Variants in KAZN observed in about 807,000 individuals in gnomAD.
The protein encoded by KAZN is kazrin, periplakin interacting protein.
In KAZN, 40 loss-of-function variants were observed where a neutral mutation model predicts 87.4. The observed-to-expected ratio is 0.46, with a 90% confidence interval of 0.36 to 0.60. The LOEUF (loss-of-function observed/expected upper bound fraction) is 0.60. Ranked by LOEUF, KAZN falls within the 20% of genes least tolerant of loss-of-function variation. KAZN has a pLI of 0.00. For missense variants in KAZN, 898 were observed against 1,073.9 expected, an observed-to-expected ratio of 0.84 and a Z score of 2.29; for synonymous variants, 466 against 458.3, an observed-to-expected ratio of 1.02 and a Z score of -0.22.
chr1:14,253,326 T>A (rs1173938462), intron 2 of KAZN, among the ~76,000 whole-genome samples: 1 of 152,202 alleles, frequency 6.6e-6, no homozygotes, highest in Non-Finnish European at 1.5e-5. Flanking sequence ...GCAGATTCCC[T>A]TCTTGCTCAT....
intron 1 of KAZN, among the ~76,000 whole-genome samples, chr1:14,091,811 G>C (rs1644002365): frequency 6.6e-6 from 1 of 152,114 alleles, no homozygotes; most frequent in African/African-American, 2.4e-5. Flanking sequence ...TGGAAGACTA[G>C]AATCCAGGTG....
intron 1 of KAZN, among the ~76,000 whole-genome samples, chr1:14,822,835 G>T (rs1430298812): frequency 6.6e-6 from 1 of 152,110 alleles, no homozygotes; most frequent in Non-Finnish European, 1.5e-5. Context: ...AGACAGGGCT[G>T]CATCTAATCC....
In KAZN at chr1:15,096,637, G is replaced by A. The variant is rs898980102; in HGVS notation, c.1547+1704G>A. ...TTCTGGAGGCTGGAAGTCCAAGATC[G>A]GGATGCCAGCATGGTTGGGACCTGG... On this transcript the variant is annotated intron_variant, in intron 10 of 14. Coordinates refer to ENST00000376030, the MANE Select transcript of KAZN (RefSeq NM_201628.3). This position sits in a 1 kb window ranked among gnomAD's most constrained non-coding sequence, Gnocchi z 4.5. Among the ~76,000 whole-genome samples the A allele has an allele frequency of 6.6e-6, 1 of 152,182 alleles. No individual in the cohort carries two copies. Among genetic ancestry groups the A allele is most frequent in the Non-Finnish European group, 1.5e-5 (1 of 68,022 alleles).
intron 2 of KAZN, among the ~76,000 whole-genome samples, chr1:14,224,386 A>C (rs1647192338): frequency 6.6e-6 from 1 of 152,224 alleles, no homozygotes; most frequent in Non-Finnish European, 1.5e-5. Flanking sequence ...AATGAAGAGT[A>C]GAACATACTA....
In KAZN at chr1:14,301,236, G is replaced by A. The variant is rs192993379; in HGVS notation, c.249+120644G>A. 8.5e-5 allele frequency among the ~76,000 whole-genome samples: 13 copies of A among 152,230 alleles called. No homozygotes were observed. The East Asian group carries it at 2.1e-3, about 25-fold the overall frequency. On this transcript the variant is annotated intron_variant, in intron 2 of 16. Transcript: ENST00000636203. ...GACACTCCTTGGAATTCACATACCC[G>A]GTTGCATTTGCTCTATCTGATGACA...
intron 8 of KAZN, among the ~76,000 whole-genome samples, chr1:15,078,331 G>A (rs193150488): frequency 6.6e-6 from 1 of 152,222 alleles, no homozygotes; most frequent in South Asian, 2.1e-4. Flanking sequence ...CTTGAACCTA[G>A]GAAGCGGATG....
chr1:14,590,605 T>C lies in KAZN; in HGVS notation c.250-8378T>C, dbSNP rs142209355. On this transcript the variant is annotated intron_variant, in intron 2 of 16. Coordinates refer to the KAZN transcript ENST00000636203. ...GTTGGGAAGATTCAGCCTGAGTTAG[T>C]AGAAATAAATGGTTGAGCAAACTGG... Among the ~76,000 whole-genome samples the C allele has an allele frequency of 4.7e-3, 721 of 152,206 alleles. 12 individuals are homozygous for C. Among genetic ancestry groups the C allele is most frequent in the African/African-American group, 0.016 (677 of 41,522 alleles).
intron 1 of KAZN, among the ~76,000 whole-genome samples, chr1:14,927,873 G>A (rs1486056455): frequency 6.6e-6 from 1 of 152,076 alleles, no homozygotes; most frequent in Non-Finnish European, 1.5e-5. Context: ...GGGGACTGGG[G>A]CGCTTGTGTG....
rs887777648 is a variant in KAZN, at chr1:14,769,025, C to T, written c.226+169802C>T. 6.6e-6 allele frequency among the ~76,000 whole-genome samples: 1 copy of T among 152,170 alleles called. No homozygotes were observed. Among genetic ancestry groups the T allele is most frequent in the Admixed American group, 6.5e-5 (1 of 15,274 alleles). ...AATTCTTCACAGCTAGTTGACTTTC[C>T]GTAAAAGCTTCTGAGTTAATGAGTG... On this transcript the variant is annotated intron_variant, in intron 1 of 14. Transcript: ENST00000376030. This position sits in a 1 kb window ranked among gnomAD's most constrained non-coding sequence, Gnocchi z 4.1.
chr1:14,718,328 G>A (rs1008764154), intron 1 of KAZN, among the ~76,000 whole-genome samples: 14 of 152,138 alleles, frequency 9.2e-5, no homozygotes, highest in African/African-American at 9.7e-5. Context: ...GTGTGCCCTC[G>A]GGACTCCACT....
intron 1 of KAZN, among the ~76,000 whole-genome samples, chr1:14,628,939 C>T (rs1221898001): frequency 6.6e-6 from 1 of 151,422 alleles, no homozygotes; most frequent in East Asian, 1.9e-4. Context: ...CTCTGTCTCC[C>T]GGGTTCAAGC....
At chr1:14,868,744 T>C (rs916111918) in intron 1 of KAZN, among the ~76,000 whole-genome samples, 1 of 151,770 alleles carries the variant, frequency 6.6e-6, no homozygotes, top group South Asian at 2.1e-4. Context: ...CTAGGGAGGC[T>C]GGGGTGGGGG....
intron 2 of KAZN, among the ~76,000 whole-genome samples, chr1:14,544,350 C>CTTTTTTTTTTTTTTTTTTTTTTT (rs374148415): frequency 5.0e-4 from 49 of 98,120 alleles, no homozygotes; most frequent in Middle Eastern, 8.2e-3. Flanking sequence ...TTCTTTCTTT[C>CTTTTTTTTTTTTTTTTTTTTTTT]TTTTTTTTTT....
intron 2 of KAZN, among the ~76,000 whole-genome samples, chr1:15,005,239 T>C (rs1391697711): frequency 6.6e-6 from 1 of 152,192 alleles, no homozygotes; most frequent in Non-Finnish European, 1.5e-5. Context: ...ATTCCACAGA[T>C]TCTGCCTTTG....
intron 5 of KAZN, among the ~76,000 whole-genome samples, chr1:15,057,191 C>A (rs997560030): frequency 1.3e-5 from 2 of 152,206 alleles, no homozygotes; most frequent in Non-Finnish European, 2.9e-5. Context: ...GGGGCATAGG[C>A]CCTGGATTCA....
chr1:14,120,808 G>A (rs978753199), intron 1 of KAZN, among the ~76,000 whole-genome samples: 6 of 152,136 alleles, frequency 3.9e-5, no homozygotes, highest in Non-Finnish European at 2.9e-5. Flanking sequence ...GTGTGTCCTG[G>A]GAGGGACTTC....
chr1:14,431,818 G>T (rs1012196284), intron 2 of KAZN, among the ~76,000 whole-genome samples: 3 of 152,172 alleles, frequency 2.0e-5, no homozygotes, highest in African/African-American at 4.8e-5. Context: ...CAGACTGAAG[G>T]CTGCACTGTT....
intron 2 of KAZN, among the ~76,000 whole-genome samples, chr1:14,347,640 G>A (rs1304159653): frequency 6.6e-6 from 1 of 152,108 alleles, no homozygotes; most frequent in East Asian, 1.9e-4. Context: ...TGTATACAAT[G>A]AGTCCATTTG....
intron 2 of KAZN, among the ~76,000 whole-genome samples, chr1:14,233,399 C>T (rs535944894): frequency 5.9e-5 from 9 of 152,232 alleles, no homozygotes; most frequent in Admixed American, 2.6e-4. Context: ...CCTCCCAAAG[C>T]GCTGGGATTG....
Sources: gnomAD v4.1 joint callset for allele counts (sites outside exome capture counted in the v4.1 genomes callset) on GRCh38, gnomAD v4.1.1 for gene constraint, Gnocchi (gnomAD v3.1) non-coding constraint, MANE v1.5 for transcripts, NCBI Gene and HGNC (gene_info 2026-07-23, HGNC 2026-07-21) for gene names.